Variants in ARHGAP15 observed in about 807,000 individuals in gnomAD.
ARHGAP15 encodes Rho GTPase activating protein 15.
A neutral mutation model predicts 63.7 loss-of-function variants in ARHGAP15; 51 were observed. The ratio of observed to expected loss-of-function variants is 0.80; its 90% CI spans 0.64 to 1.01. The LOEUF (loss-of-function observed/expected upper bound fraction) is 1.01, where lower values mean the gene tolerates loss of function less well. Ranked by LOEUF, ARHGAP15 falls within the 50% of genes least tolerant of loss-of-function variation. The probability of loss-of-function intolerance (pLI) is 0.00; values close to 1 mark genes in which losing one functional copy is unlikely to be tolerated. For synonymous variants in ARHGAP15, 191 were observed against 193.8 expected (o/e 0.99, Z 0.12); for missense variants, 560 against 564.6 (o/e 0.99, Z 0.08).
intron 6 of ARHGAP15, among the ~76,000 whole-genome samples, chr2:143,391,632 A>G (rs1191708740): frequency 6.6e-6 from 1 of 152,168 alleles, no homozygotes; most frequent in Non-Finnish European, 1.5e-5. Flanking sequence ...TTTTGAGCAA[A>G]GTTGCATGGC....
intron 13 of ARHGAP15, among the ~76,000 whole-genome samples, chr2:143,713,496 T>C (rs1263397853): frequency 1.3e-5 from 2 of 152,134 alleles, no homozygotes; most frequent in East Asian, 3.9e-4. Flanking sequence ...CATGTCCTCA[T>C]ATATCAAAAC....
At chr2:143,421,309 C>T (rs1449090041) in intron 6 of ARHGAP15, among the ~76,000 whole-genome samples, 5 of 152,024 alleles carry the variant, frequency 3.3e-5, no homozygotes, top group East Asian at 1.9e-4. Flanking sequence ...TAGTCACAAA[C>T]GTGACAAATA....
intron 8 of ARHGAP15, among the ~76,000 whole-genome samples, chr2:143,468,997 A>G (rs572947042): frequency 6.6e-6 from 1 of 152,306 alleles, no homozygotes; most frequent in South Asian, 2.1e-4. Context: ...CCTATATTAA[A>G]AAATAGATCA....
intron 6 of ARHGAP15, among the ~76,000 whole-genome samples, chr2:143,343,651 A>T (rs1374544135): frequency 2.0e-5 from 3 of 152,038 alleles, no homozygotes; most frequent in African/African-American, 7.2e-5. Context: ...CAATTTGGTG[A>T]TTCTTCAAGC....
intron 2 of ARHGAP15, among the ~76,000 whole-genome samples, chr2:143,176,902 C>G (rs1387390847): frequency 2.6e-5 from 4 of 152,158 alleles, no homozygotes; most frequent in Admixed American, 2.6e-4. Context: ...GGAGGGGGCT[C>G]TCTTTCCTTC....
intron 6 of ARHGAP15, chr2:143,344,133 C>A (rs1050294860): frequency 2.0e-5 from 3 of 152,108 alleles, no homozygotes; most frequent in Non-Finnish European, 2.9e-5. Context: ...CTTTCAATAA[C>A]ACACCTTTTA....
intron 13 of ARHGAP15, among the ~76,000 whole-genome samples, chr2:143,710,366 G>A (rs775051394): frequency 3.3e-5 from 5 of 152,040 alleles, no homozygotes; most frequent in African/African-American, 1.2e-4. Context: ...TACTCTGATC[G>A]CGAGGGTGAA....
intron 6 of ARHGAP15, among the ~76,000 whole-genome samples, chr2:143,261,936 A>G (rs2105018492): frequency 6.6e-6 from 1 of 152,314 alleles, no homozygotes; most frequent in South Asian, 2.1e-4. Flanking sequence ...TTTGTTCATT[A>G]GCTCCTGAGC....
chr2:143,733,965 GTTTT>G (rs1306273315), intron 13 of ARHGAP15, among the ~76,000 whole-genome samples: 2 of 151,906 alleles, frequency 1.3e-5, no homozygotes, highest in Non-Finnish European at 2.9e-5. Context: ...CAAAAAATTT[GTTTT>G]AAGAAATTTC....
rs750051438 is a variant in ARHGAP15, at chr2:143,556,007, CAGTA to C, written c.926-397_926-394del. ...GAAGAGAGACAGAAAGGCAGGAAGA[CAGTA>C]AGTCAGGCCAGTAGCAAATGTCTTA... On this transcript the variant is annotated intron_variant, in intron 10 of 13. Transcript: ENST00000295095. Among the ~76,000 whole-genome samples, 139 of 151,926 alleles carry C rather than the reference CAGTA, an allele frequency of 9.1e-4. 1 individual carries two copies. Among genetic ancestry groups the C allele is most frequent in the Non-Finnish European group, 2.8e-4 (19 of 67,910 alleles).
chr2:143,261,135 G>A (rs1267601901), intron 6 of ARHGAP15, among the ~76,000 whole-genome samples: 1 of 152,008 alleles, frequency 6.6e-6, no homozygotes, highest in Non-Finnish European at 1.5e-5. Flanking sequence ...CTCTTTGGCA[G>A]CTTTTACAGC....
intron 6 of ARHGAP15, among the ~76,000 whole-genome samples, chr2:143,333,166 A>G (rs1187168959): frequency 6.6e-6 from 1 of 152,182 alleles, no homozygotes; most frequent in Admixed American, 6.5e-5. Context: ...AGCAGGAGAG[A>G]GAGAAAAATT....
intron 1 of ARHGAP15, among the ~76,000 whole-genome samples, chr2:143,131,869 C>T (rs1175212530): frequency 6.6e-6 from 1 of 152,078 alleles, no homozygotes; most frequent in Non-Finnish European, 1.5e-5. Context: ...GTTTTGTTAA[C>T]CATTGGTCCT....
At chr2:143,400,470 T>C (rs1040667923) in intron 6 of ARHGAP15, among the ~76,000 whole-genome samples, 6 of 151,960 alleles carry the variant, frequency 3.9e-5, no homozygotes, top group African/African-American at 1.2e-4. Context: ...GTCTATAACT[T>C]ACATTTTTGT....
At chr2:143,469,828 A>G (rs1691428654) in intron 8 of ARHGAP15, among the ~76,000 whole-genome samples, 1 of 152,198 alleles carries the variant, frequency 6.6e-6, no homozygotes. Context: ...GCTACCAGAA[A>G]ATTTAAAGTT....
chr2:143,650,761 G>A (rs1047623088), intron 12 of ARHGAP15, among the ~76,000 whole-genome samples: 1 of 151,856 alleles, frequency 6.6e-6, no homozygotes, highest in Non-Finnish European at 1.5e-5. Flanking sequence ...TTAATTTGTT[G>A]TATCTATATG....
intron 6 of ARHGAP15, among the ~76,000 whole-genome samples, chr2:143,336,556 C>T (rs1490263389): frequency 8.1e-5 from 9 of 111,608 alleles, no homozygotes; most frequent in Non-Finnish European, 1.4e-4. Context: ...ATCCTTTGCC[C>T]ATGGATTCTG....
intron 6 of ARHGAP15, among the ~76,000 whole-genome samples, chr2:143,251,781 T>C (rs1053432598): frequency 6.6e-6 from 1 of 151,970 alleles, no homozygotes; most frequent in Non-Finnish European, 1.5e-5. Flanking sequence ...CAAACACGCT[T>C]GTCCTGAAAT....
chr2:143,345,634 AGTTT>A (rs1028488679), intron 6 of ARHGAP15, among the ~76,000 whole-genome samples: 2 of 152,118 alleles, frequency 1.3e-5, no homozygotes, highest in African/African-American at 4.8e-5. Flanking sequence ...GCCTAAATTC[AGTTT>A]CTTTCATTTT....
Sources: gnomAD v4.1 joint callset for allele counts (sites outside exome capture counted in the v4.1 genomes callset) on GRCh38, gnomAD v4.1.1 for gene constraint, MANE v1.5 for transcripts, NCBI Gene and HGNC (gene_info 2026-07-23, HGNC 2026-07-21) for gene names.